The following VPS13B variants were observed in gnomAD, a reference collection of about 807,000 sequenced individuals.
VPS13B encodes vacuolar protein sorting 13 homolog B, also known as intermembrane lipid transfer protein VPS13B.
VPS13B carries 285 observed loss-of-function variants against 426.4 expected under a neutral mutation model. That is an observed-to-expected ratio of 0.67 (90% CI 0.61 to 0.74). The LOEUF is 0.74. VPS13B is among the 30% of genes least tolerant of loss of function. VPS13B has a pLI of 0.00. For missense variants in VPS13B, 4,537 were observed against 4,782.6 expected, an observed-to-expected ratio of 0.95 and a Z score of 1.51; for synonymous variants, 1,676 against 1,676.4, an observed-to-expected ratio of 1.00 and a Z score of 0.01.
Position 99,688,916 on chromosome 8 carries a change from A to G in VPS13B, c.6047-10609A>G, listed in dbSNP as rs186419165. Among the ~76,000 whole-genome samples, 50 of 152,212 alleles carry G rather than the reference A, an allele frequency of 3.3e-4. 1 individual carries two copies. Among genetic ancestry groups the G allele is most frequent in the Middle Eastern group, 3.4e-3 (1 of 294 alleles). On this transcript the variant is annotated intron_variant, in intron 35 of 61. Transcript: ENST00000357162. ...GGTTATGGGAAGGGATAGAACAGAAATTCTATTGAGGGGCAATAAATGATT... is the reference window on the plus strand; with the variant it reads ...GGTTATGGGAAGGGATAGAACAGAAGTTCTATTGAGGGGCAATAAATGATT...
intron 54 of VPS13B, among the ~76,000 whole-genome samples, chr8:99,836,941 A>G (rs1156895262): frequency 6.6e-6 from 1 of 152,228 alleles, no homozygotes; most frequent in Non-Finnish European, 1.5e-5. Flanking sequence ...TAGTGGAAGC[A>G]AAAGGCCTGG....
At chr8:99,713,163 G>T (rs916198114) in intron 36 of VPS13B, among the ~76,000 whole-genome samples, 5 of 152,112 alleles carry the variant, frequency 3.3e-5, no homozygotes, top group African/African-American at 1.2e-4. Flanking sequence ...ACAAATATAA[G>T]ATTTTGTCAT....
chr8:99,503,840 C>T (rs1821359242), intron 27 of VPS13B, among the ~76,000 whole-genome samples: 1 of 152,318 alleles, frequency 6.6e-6, no homozygotes, highest in Admixed American at 6.5e-5. Context: ...CAACTTCTTA[C>T]AAACATCTGT....
At chr8:99,370,605 CTTTTTTTTTTT>C (rs1047111709) in intron 19 of VPS13B, among the ~76,000 whole-genome samples, 2 of 99,464 alleles carry the variant, frequency 2.0e-5, no homozygotes, top group African/African-American at 8.0e-5. Flanking sequence ...GAGTGAAGGG[CTTTTTTTTTTT>C]TTTTTTTTTT....
intron 56 of VPS13B, among the ~76,000 whole-genome samples, chr8:99,857,619 G>C (rs1816618578): frequency 1.3e-5 from 2 of 152,176 alleles, no homozygotes. Flanking sequence ...TCATCCAGGG[G>C]ACTGTGAGCA....
chr8:99,311,503 G>A (rs944833957), intron 19 of VPS13B, among the ~76,000 whole-genome samples: 1 of 152,156 alleles, frequency 6.6e-6, no homozygotes, highest in African/African-American at 2.4e-5. Flanking sequence ...TTTATCCCGA[G>A]TTCTAGTTTG....
intron 17 of VPS13B, among the ~76,000 whole-genome samples, chr8:99,238,762 G>A (rs139787118): frequency 9.9e-4 from 150 of 151,954 alleles, no homozygotes; most frequent in African/African-American, 3.4e-3. Context: ...TATGCCAACC[G>A]GTGGCATTTT....
chr8:99,811,644 C>T (rs1813706165), intron 44 of VPS13B, among the ~76,000 whole-genome samples: 2 of 152,174 alleles, frequency 1.3e-5, no homozygotes, highest in Non-Finnish European at 2.9e-5. Context: ...TTATCAGTTA[C>T]TGAAATGGCA....
chr8:99,640,464 T>C (rs900389292), intron 33 of VPS13B, among the ~76,000 whole-genome samples: 4 of 151,996 alleles, frequency 2.6e-5, no homozygotes, highest in Non-Finnish European at 5.9e-5. Flanking sequence ...GATAAGGTTT[T>C]GTCATGTTGC....
chr8:99,194,271 C>T (rs1019230742), intron 17 of VPS13B, among the ~76,000 whole-genome samples: 1 of 152,084 alleles, frequency 6.6e-6, no homozygotes, highest in East Asian at 1.9e-4. Flanking sequence ...TTTTCTGAAC[C>T]CCCTGAAGTA....
At chr8:99,149,623 G>GTTT (rs5893484) in intron 14 of VPS13B, among the ~76,000 whole-genome samples, 1 of 140,862 alleles carries the variant, frequency 7.1e-6, no homozygotes. Flanking sequence ...TGGCCTATGT[G>GTTT]TTTTTTTTTT....
At chr8:99,195,749 A>G (rs781300574) in intron 17 of VPS13B, among the ~76,000 whole-genome samples, 2 of 152,160 alleles carry the variant, frequency 1.3e-5, no homozygotes, top group Non-Finnish European at 2.9e-5. Context: ...ATGGTGTTAG[A>G]TAAAGATTCA....
intron 3 of VPS13B, chr8:99,091,953 C>G (rs1846172198): frequency 6.6e-6 from 1 of 152,242 alleles, no homozygotes; most frequent in South Asian, 2.1e-4. Flanking sequence ...CCTTCTTCAG[C>G]TCTTTCCTGC....
chr8:99,729,954 AT>A (rs771183318), intron 39 of VPS13B, among the ~76,000 whole-genome samples: 11 of 152,364 alleles, frequency 7.2e-5, no homozygotes, highest in Non-Finnish European at 1.3e-4. Flanking sequence ...AGGTTATGAT[AT>A]TAGCACATGA....
At chr8:99,265,027 T>G (rs2132962380) in intron 17 of VPS13B, among the ~76,000 whole-genome samples, 1 of 152,262 alleles carries the variant, frequency 6.6e-6, no homozygotes, top group East Asian at 1.9e-4. Context: ...TCTATGTGCT[T>G]GTTTTTGTTG....
chr8:99,299,381 C>T (rs1435960551), intron 19 of VPS13B, among the ~76,000 whole-genome samples: 1 of 151,850 alleles, frequency 6.6e-6, no homozygotes, highest in Non-Finnish European at 1.5e-5. Context: ...CACCGCTTTA[C>T]GTTTTAATTT....
At chr8:99,518,850 G>A (rs1352566693) in intron 29 of VPS13B, among the ~76,000 whole-genome samples, 1 of 152,098 alleles carries the variant, frequency 6.6e-6, no homozygotes, top group Admixed American at 6.6e-5. Flanking sequence ...CCACAGTTTG[G>A]GAAATATGGA....
At chr8:99,556,401 T>C in intron 30 of VPS13B, 49 bp from the exon 31 acceptor site, 6 of 1,573,532 alleles carry the variant, frequency 3.8e-6, no homozygotes, top group Non-Finnish European at 5.2e-6. Context: ...GAATGGTTAT[T>C]TTATCTGTTT....
At chr8:99,592,831 T>C (rs1826761885) in intron 33 of VPS13B, among the ~76,000 whole-genome samples, 1 of 152,138 alleles carries the variant, frequency 6.6e-6, no homozygotes, top group African/African-American at 2.4e-5. Context: ...CTCTGTTTAA[T>C]AAATGGTGCT....
Sources: gnomAD v4.1 joint callset for allele counts (sites outside exome capture counted in the v4.1 genomes callset) on GRCh38, gnomAD v4.1.1 for gene constraint, MANE v1.5 for transcripts, NCBI Gene and HGNC (gene_info 2026-07-23, HGNC 2026-07-21) for gene names.